Variants in WASF3 observed in about 807,000 individuals in gnomAD.
WASF3 encodes actin-binding protein WASF3.
In WASF3, 11 loss-of-function variants were observed where a neutral mutation model predicts 46.6. The observed-to-expected ratio is 0.24, with a 90% confidence interval of 0.15 to 0.39. The LOEUF (loss-of-function observed/expected upper bound fraction) is 0.39. WASF3 is among the 10% of genes least tolerant of loss of function. The pLI, the probability that WASF3 is intolerant of heterozygous loss-of-function variation, is 1.00. For synonymous variants in WASF3, 242 were observed against 259.7 expected (o/e 0.93, Z 0.65); for missense variants, 576 against 669.8 (o/e 0.86, Z 1.55).
chr13:26,687,466 G>A lies in WASF3; in HGVS notation c.*1621G>A, dbSNP rs374371071. On this transcript the variant is annotated 3_prime_UTR_variant, in exon 10 of 10. Coordinates refer to ENST00000335327, the MANE Select transcript of WASF3 (RefSeq NM_006646.6). Reference sequence around the variant, plus strand: ...TCTCGAGTGGCTACCTGTTGGGCTTGTGGGCAGTGATTGTACAGAGCCTGT... The same window carrying A: ...TCTCGAGTGGCTACCTGTTGGGCTTATGGGCAGTGATTGTACAGAGCCTGT... The A allele has an allele frequency of 2.0e-5, 3 of 152,288 alleles. No homozygotes were observed. The highest frequency in any genetic ancestry group is 7.2e-5 in the African/African-American group (3 of 41,538). The allele number at this position is 152,288 out of a possible 1,614,324, so 9.4% of individuals were successfully genotyped here.
At chr13:26,544,316 C>T in the WASF3 span, among the ~76,000 whole-genome samples, 24 of 152,248 alleles carry the variant, frequency 1.6e-4, no homozygotes, top group African/African-American at 5.5e-4. Context: ...CAAAAGGAAC[C>T]CTTATCTAAG....
chr13:26,674,075 A>G (rs1882995534), intron 6 of WASF3, among the ~76,000 whole-genome samples: 1 of 152,196 alleles, frequency 6.6e-6, no homozygotes, highest in Non-Finnish European at 1.5e-5. Context: ...GCAGCTTCTA[A>G]GGATTTTAAT....
chr13:26,661,651 T>C (rs1258004709), intron 3 of WASF3, among the ~76,000 whole-genome samples: 2 of 152,136 alleles, frequency 1.3e-5, no homozygotes, highest in Non-Finnish European at 2.9e-5. Flanking sequence ...AGTTGCTGGG[T>C]CATATGTTTA....
intron 1 of WASF3, among the ~76,000 whole-genome samples, chr13:26,566,597 G>C (rs1879471656): frequency 6.6e-6 from 1 of 152,234 alleles, no homozygotes; most frequent in African/African-American, 2.4e-5. Context: ...CCACATGGCT[G>C]TTCAGGTGGT....
intron 2 of WASF3, among the ~76,000 whole-genome samples, chr13:26,634,497 ATGT>A (rs1483041180): frequency 2.0e-5 from 3 of 152,188 alleles, no homozygotes; most frequent in Admixed American, 6.5e-5. Flanking sequence ...TTTAAGGCTA[ATGT>A]TGTTATGTGA....
At chr13:26,593,275 G>C (rs1880358796) in intron 1 of WASF3, among the ~76,000 whole-genome samples, 1 of 152,200 alleles carries the variant, frequency 6.6e-6, no homozygotes, top group Non-Finnish European at 1.5e-5. Context: ...CGAAGCATGG[G>C]CTTCCCTCAG....
chr13:26,621,562 C>T (rs188560114), intron 2 of WASF3, among the ~76,000 whole-genome samples: 32 of 151,986 alleles, frequency 2.1e-4, no homozygotes, highest in African/African-American at 7.5e-4. Flanking sequence ...TTCCCCAATT[C>T]CTAGTCCTTT....
chr13:26,625,710 A>G (rs555244214), intron 2 of WASF3, among the ~76,000 whole-genome samples: 1 of 152,288 alleles, frequency 6.6e-6, no homozygotes, highest in East Asian at 1.9e-4. Context: ...TCACCCAGAG[A>G]TAATGTTTCA....
chr13:26,555,055 G>A (rs944206455), upstream of WASF3, among the ~76,000 whole-genome samples: 11 of 152,124 alleles, frequency 7.2e-5, no homozygotes, highest in African/African-American at 2.7e-4. Flanking sequence ...GTATCCTTAG[G>A]TTTTTTGTTG....
chr13:26,667,051 T>C (rs1384932357), intron 4 of WASF3, among the ~76,000 whole-genome samples: 1 of 152,134 alleles, frequency 6.6e-6, no homozygotes, highest in Non-Finnish European at 1.5e-5. Flanking sequence ...ATTTGCCATC[T>C]TTCCTTAATG....
At chr13:26,611,825 A>G (rs890061009) in intron 1 of WASF3, among the ~76,000 whole-genome samples, 1 of 148,738 alleles carries the variant, frequency 6.7e-6, no homozygotes, top group African/African-American at 2.5e-5. Context: ...GTATCGCTGA[A>G]TGATCATTCT....
intron 4 of WASF3, 23 bp from the exon 5 acceptor site, chr13:26,667,494 C>CTT (rs768040180): frequency 1.3e-6 from 2 of 1,595,850 alleles, no homozygotes; most frequent in South Asian, 2.3e-5. Context: ...TATAACTCAA[C>CTT]TTGGGGGATT....
chr13:26,681,324 ACT>A lies in WASF3; in HGVS notation c.983+6_983+7del. 6.3e-7 allele frequency: 1 copy of A among 1,580,930 alleles called. No individual in the cohort carries two copies. Among genetic ancestry groups the A allele is most frequent in the Non-Finnish European group, 8.6e-7 (1 of 1,163,916 alleles). ...CGATGGCTCCAGCAGACTACGGGTA[ACT>A]CAGCATGCCTTGTACCCTAATCCCT... On this transcript the variant is annotated splice_donor_5th_base_variant and intron_variant, in intron 8 of 9. Transcript: ENST00000335327.
intron 7 of WASF3, among the ~76,000 whole-genome samples, chr13:26,680,780 G>A (rs1378696235): frequency 6.6e-6 from 1 of 152,142 alleles, no homozygotes; most frequent in Non-Finnish European, 1.5e-5. Context: ...GTGAAAAGGA[G>A]GCTCTGCTGT....
chr13:26,566,145 T>G (rs574313167), intron 1 of WASF3, among the ~76,000 whole-genome samples: 1 of 152,374 alleles, frequency 6.6e-6, no homozygotes, highest in East Asian at 1.9e-4. Flanking sequence ...AATATTGCCC[T>G]GCATTTTAAT....
chr13:26,629,524 A>G (rs997857295), intron 2 of WASF3, among the ~76,000 whole-genome samples: 4 of 152,154 alleles, frequency 2.6e-5, no homozygotes, highest in Non-Finnish European at 4.4e-5. Context: ...CAGCACACAC[A>G]GTCCATTTTT....
At chr13:26,653,378 C>T (rs1454535729) in intron 3 of WASF3, among the ~76,000 whole-genome samples, 5 of 152,192 alleles carry the variant, frequency 3.3e-5, no homozygotes, top group African/African-American at 1.2e-4. Context: ...CAGCAAGATT[C>T]CTTGAAGGAT....
chr13:26,683,196 C>T lies in WASF3; in HGVS notation c.1351+222C>T, dbSNP rs888254116. ...TGATAAAGATTGGGAAACAGCCGGGCGCGGTGGGCTCATGCCTGTAATCCC... is the reference window on the plus strand; with the variant it reads ...TGATAAAGATTGGGAAACAGCCGGGTGCGGTGGGCTCATGCCTGTAATCCC... On this transcript the variant is annotated intron_variant, in intron 9 of 9. Coordinates refer to ENST00000335327, the MANE Select transcript of WASF3 (RefSeq NM_006646.6). 3.9e-5 allele frequency among the ~76,000 whole-genome samples: 6 copies of T among 152,230 alleles called. No individual in the cohort carries two copies. The East Asian group carries it at 1.2e-3, about 29-fold the overall frequency.
chr13:26,578,573 T>A (rs972452505), intron 1 of WASF3, among the ~76,000 whole-genome samples: 8 of 152,164 alleles, frequency 5.3e-5, no homozygotes, highest in African/African-American at 1.7e-4. Flanking sequence ...CCATTCACAT[T>A]TGTTTTCTTT....
Sources: allele counts gnomAD v4.1 joint callset (sites outside exome capture counted in the v4.1 genomes callset), GRCh38; gene constraint gnomAD v4.1.1; transcripts MANE v1.5; gene names NCBI Gene and HGNC (gene_info 2026-07-23, HGNC 2026-07-21).